Variants in ANKIB1 observed in about 807,000 individuals in gnomAD.
The protein encoded by ANKIB1 is ankyrin repeat and IBR domain-containing protein 1.
In ANKIB1, 43 loss-of-function variants were observed where a neutral mutation model predicts 122.1. That is an observed-to-expected ratio of 0.35 (90% CI 0.28 to 0.45). The LOEUF is 0.45. ANKIB1 is among the 20% of genes least tolerant of loss of function. The pLI is 1.00. For missense variants in ANKIB1, 992 were observed against 1,329.5 expected (o/e 0.75, Z 3.95); for synonymous variants, 390 against 442.0 (o/e 0.88, Z 1.48).
intron 6 of ANKIB1, among the ~76,000 whole-genome samples, chr7:92,344,702 C>G (rs1803504366): frequency 6.6e-6 from 1 of 152,074 alleles, no homozygotes; most frequent in African/African-American, 2.4e-5. Context: ...ACTTCGTTTT[C>G]CAAACGCACA....
At chr7:92,307,808 C>T (rs1212926203) in intron 3 of ANKIB1, among the ~76,000 whole-genome samples, 152 bp downstream of exon 3, 25 of 47,908 alleles carry the variant, frequency 5.2e-4, no homozygotes, top group Middle Eastern at 0.023. Flanking sequence ...TAAAGGGCCT[C>T]TTTTTTTTTT....
chr7:92,372,423 AT>A (rs1804289649), intron 11 of ANKIB1, among the ~76,000 whole-genome samples: 1 of 152,126 alleles, frequency 6.6e-6, no homozygotes, highest in African/African-American at 2.4e-5. Flanking sequence ...TTATTCTCAG[AT>A]TTTGGTGTTT....
intron 11 of ANKIB1, 122 bp downstream of exon 11, chr7:92,371,729 G>A: frequency 1.7e-6 from 2 of 1,156,940 alleles, no homozygotes; most frequent in Non-Finnish European, 2.4e-6. Context: ...TATAATCCCA[G>A]CACTTCAGGA....
chr7:92,365,672 A>G (rs564800210), intron 10 of ANKIB1, among the ~76,000 whole-genome samples: 2 of 152,116 alleles, frequency 1.3e-5, no homozygotes, highest in African/African-American at 4.8e-5. Flanking sequence ...ACTAGGTAAG[A>G]ATGTTAGTTC....
rs998720223 is a variant in ANKIB1 at position 92,341,001 on chromosome 7, A to G, written c.788-2023A>G. On this transcript the variant is annotated intron_variant, in intron 5 of 19. Transcript: ENST00000265742. ...ACTGGTAAGGTTCCTCATTGCTGAC[A>G]GAAGTAAAAACTGTTATAACCTGCC... is the stretch of plus-strand genomic sequence containing the variant. Among the ~76,000 whole-genome samples, 2 of 152,274 alleles carry G rather than the reference A, an allele frequency of 1.3e-5. 1 individual carries two copies. Among genetic ancestry groups the G allele is most frequent in the Non-Finnish European group, 2.9e-5 (2 of 68,010 alleles).
Position 92,343,184 on chromosome 7 carries a change from C to T in ANKIB1, c.948C>T (p.Thr316=), listed in dbSNP as rs1475548843. The change falls in exon 6 of 20, where the codon ACC becomes ACT. Residue 316 remains threonine, a synonymous_variant. Transcript: ENST00000265742. ...CAAGGACTACACGCTCTTCTGTCAC[C>T]TCCCCAGATGAAATCAGCTTATCTC... The part of the protein sequence containing the change: ...RTPRTTRSSV[T]SPDEISLSPG... The T allele has an allele frequency of 3.7e-6, 6 of 1,613,972 alleles. No individual in the cohort carries two copies. The highest frequency in any genetic ancestry group is 5.1e-6 in the Non-Finnish European group (6 of 1,179,874).
intron 3 of ANKIB1, among the ~76,000 whole-genome samples, chr7:92,313,610 C>T (rs1226185075): frequency 6.6e-6 from 1 of 151,996 alleles, no homozygotes; most frequent in African/African-American, 2.4e-5. Context: ...TTTACATATC[C>T]TGGAAGATTT....
intron 17 of ANKIB1, among the ~76,000 whole-genome samples, chr7:92,394,769 G>A (rs1428995685): frequency 6.6e-6 from 1 of 152,088 alleles, no homozygotes; most frequent in Non-Finnish European, 1.5e-5. Flanking sequence ...ACCTCAGCAA[G>A]GCATTTTAAA....
chr7:92,367,045 C>T (rs1804102588), intron 10 of ANKIB1, among the ~76,000 whole-genome samples: 1 of 151,894 alleles, frequency 6.6e-6, no homozygotes, highest in Admixed American at 6.6e-5. Flanking sequence ...GATCCTGATA[C>T]TAAGAGGAGG....
chr7:92,269,269 G>A (rs1801735726), intron 1 of ANKIB1, among the ~76,000 whole-genome samples: 1 of 152,152 alleles, frequency 6.6e-6, no homozygotes, highest in African/African-American at 2.4e-5. Flanking sequence ...TTAGGTGAGG[G>A]CTATAGTTGT....
intron 2 of ANKIB1, among the ~76,000 whole-genome samples, chr7:92,303,432 C>T (rs912408859): frequency 8.5e-5 from 13 of 152,064 alleles, no homozygotes; most frequent in African/African-American, 2.9e-4. Context: ...GTGATTCTGC[C>T]ACTACTGCCT....
At chr7:92,281,031 A>G (rs1483003356) in intron 1 of ANKIB1, among the ~76,000 whole-genome samples, 4 of 152,242 alleles carry the variant, frequency 2.6e-5, no homozygotes, top group African/African-American at 9.6e-5. Flanking sequence ...TTACAGGAAA[A>G]GGATTCGAAG....
At chr7:92,392,214 C>A (rs1199071514) in intron 16 of ANKIB1, 27 bp from the exon 17 acceptor site, 2 of 1,598,090 alleles carry the variant, frequency 1.3e-6, no homozygotes, top group South Asian at 2.2e-5. Context: ...GATATTAAAT[C>A]AAATGGTATG....
Position 92,396,411 on chromosome 7 carries a change from G to T in ANKIB1, c.2330G>T (p.Arg777Leu). 6.3e-7 allele frequency: 1 copy of T among 1,598,928 alleles called. No homozygotes were observed. Among genetic ancestry groups the T allele is most frequent in the African/African-American group, 1.3e-5 (1 of 74,760 alleles). The change falls in exon 18 of 20, where the codon CGA (arginine) becomes CTA (leucine). Residue 777 changes from arginine to leucine, a missense_variant. Physicochemically the swap from Arg to Leu is moderately radical, Grantham distance 102. Transcript: ENST00000265742. ...QYRRRHRQRR[R>L]GDVHSLLSNP... is the part of the protein sequence containing the mutation. The stretch of plus-strand genomic sequence containing the variant: ...CGGAGGAGGCACAGACAACGTCGTC[G>T]AGGAGATGTTCACAGTCTACTCAGT...
intron 1 of ANKIB1, among the ~76,000 whole-genome samples, chr7:92,249,439 G>A (rs554328923): frequency 1.3e-4 from 20 of 152,276 alleles, no homozygotes; most frequent in African/African-American, 4.8e-5. Context: ...AAGAATAAGC[G>A]GCCGGGTGCT....
At chr7:92,339,375 T>G (rs1803387253) in intron 5 of ANKIB1, among the ~76,000 whole-genome samples, 1 of 152,116 alleles carries the variant, frequency 6.6e-6, no homozygotes, top group South Asian at 2.1e-4. Context: ...TGAAACCATG[T>G]GAACCCTATA....
chr7:92,326,929 C>T (rs556399360), intron 4 of ANKIB1, among the ~76,000 whole-genome samples: 8 of 152,274 alleles, frequency 5.3e-5, no homozygotes, highest in African/African-American at 1.9e-4. Flanking sequence ...TCCTACTTCT[C>T]AGCCTCCCTA....
intron 3 of ANKIB1, among the ~76,000 whole-genome samples, chr7:92,314,681 T>C (rs1314398582): frequency 1.3e-5 from 2 of 152,228 alleles, no homozygotes; most frequent in East Asian, 1.9e-4. Flanking sequence ...CTACCTAATA[T>C]GACTATCAAG....
At chr7:92,302,315 C>A (rs1361675213) in intron 2 of ANKIB1, among the ~76,000 whole-genome samples, 2 of 152,144 alleles carry the variant, frequency 1.3e-5, no homozygotes, top group Admixed American at 1.3e-4. Context: ...AAGTAAAGCA[C>A]CTGTTTGGAA....
Sources: allele counts gnomAD v4.1 joint callset (sites outside exome capture counted in the v4.1 genomes callset), GRCh38; gene constraint gnomAD v4.1.1; transcripts MANE v1.5; gene names NCBI Gene and HGNC (gene_info 2026-07-23, HGNC 2026-07-21).